The following ERG variants were observed in gnomAD, a reference collection of about 807,000 sequenced individuals.
ERG encodes transcriptional regulator ERG.
In ERG, 9 loss-of-function variants were observed where a neutral mutation model predicts 55.3. The ratio of observed to expected loss-of-function variants is 0.16; its 90% CI spans 0.10 to 0.28. The LOEUF (loss-of-function observed/expected upper bound fraction) is 0.28, where lower values mean the gene tolerates loss of function less well. Among genes scored for constraint, ERG ranks in the 10% least tolerant of loss-of-function variants. ERG has a pLI of 1.00. For missense variants in ERG, 434 were observed against 631.6 expected (o/e 0.69, Z 3.35); for synonymous variants, 223 against 237.3 (o/e 0.94, Z 0.55).
chr21:38,596,971 C>T (rs2060135056), intron 1 of ERG, among the ~76,000 whole-genome samples: 1 of 152,218 alleles, frequency 6.6e-6, no homozygotes, highest in South Asian at 2.1e-4. Flanking sequence ...AGCACTGAGA[C>T]TCTTGTGTAG....
At chr21:38,384,153 C>T (rs572603887) in intron 9 of ERG, among the ~76,000 whole-genome samples, 1 of 152,234 alleles carries the variant, frequency 6.6e-6, no homozygotes, top group Non-Finnish European at 1.5e-5. Flanking sequence ...CGCCCACCCC[C>T]AGGTATCCCA....
chr21:38,482,197 T>C (rs902693863), intron 1 of ERG, among the ~76,000 whole-genome samples: 2 of 152,102 alleles, frequency 1.3e-5, no homozygotes, highest in African/African-American at 4.8e-5. Context: ...TTCCCAAACA[T>C]AGGGAAAGGA....
intron 2 of ERG, among the ~76,000 whole-genome samples, chr21:38,423,783 C>T (rs1031247796): frequency 3.9e-5 from 6 of 152,010 alleles, no homozygotes; most frequent in Non-Finnish European, 2.9e-5. Flanking sequence ...GTCAAGAGAT[C>T]CAGACCATCC....
chr21:38,606,409 C>T (rs1164360576), intron 1 of ERG, among the ~76,000 whole-genome samples: 1 of 152,126 alleles, frequency 6.6e-6, no homozygotes, highest in Admixed American at 6.5e-5. Flanking sequence ...TATAGAGACA[C>T]TTTCATAGCT....
chr21:38,552,313 C>T (rs772633448), intron 2 of ERG, among the ~76,000 whole-genome samples: 1 of 152,104 alleles, frequency 6.6e-6, no homozygotes, highest in African/African-American at 2.4e-5. Context: ...GGAGGAAAGA[C>T]TCCTCCTTAA....
At chr21:38,494,095 G>C (rs2146683097) in intron 1 of ERG, among the ~76,000 whole-genome samples, 1 of 152,306 alleles carries the variant, frequency 6.6e-6, no homozygotes, top group East Asian at 1.9e-4. Flanking sequence ...TAGCTACCTT[G>C]CCCAGGGTCA....
At chr21:38,405,401 T>C (rs1761218396) in intron 3 of ERG, among the ~76,000 whole-genome samples, 3 of 152,178 alleles carry the variant, frequency 2.0e-5, no homozygotes, top group Non-Finnish European at 2.9e-5. Flanking sequence ...TCTCCATGCA[T>C]ACGCGTGAAT....
intron 6 of ERG, among the ~76,000 whole-genome samples, chr21:38,397,311 G>T (rs974611978): frequency 6.6e-6 from 1 of 152,032 alleles, no homozygotes; most frequent in South Asian, 2.1e-4. Flanking sequence ...AGAAAAGGTA[G>T]ATTGGGGGCT....
At chr21:38,547,021 T>C (rs1050974119) in intron 2 of ERG, among the ~76,000 whole-genome samples, 1 of 152,220 alleles carries the variant, frequency 6.6e-6, no homozygotes, top group Non-Finnish European at 1.5e-5. Flanking sequence ...ACAGTCTGCC[T>C]GTCTGTAGGT....
intron 1 of ERG, among the ~76,000 whole-genome samples, chr21:38,466,824 A>G (rs2059095386): frequency 6.6e-6 from 1 of 152,214 alleles, no homozygotes; most frequent in South Asian, 2.1e-4. Context: ...GTGAGGTCAT[A>G]TACAAACTGA....
At chr21:38,416,018 C>T (rs758089144) in intron 3 of ERG, among the ~76,000 whole-genome samples, 1 of 152,128 alleles carries the variant, frequency 6.6e-6, no homozygotes, top group East Asian at 1.9e-4. Context: ...AGGGCTTGGT[C>T]GGAGGGTATG....
chr21:38,499,342 G>A (rs2059403950), upstream of ERG, among the ~76,000 whole-genome samples: 1 of 152,314 alleles, frequency 6.6e-6, no homozygotes. Context: ...TAAGTTCAGG[G>A]TCACAGGTCT....
intron 2 of ERG, among the ~76,000 whole-genome samples, chr21:38,437,238 T>C (rs1280585767): frequency 6.6e-6 from 1 of 151,962 alleles, no homozygotes; most frequent in African/African-American, 2.4e-5. Context: ...ACACAGTCCA[T>C]GATGCAGATT....
In ERG at chr21:38,402,657, G is replaced by C. The variant is rs764501462; in HGVS notation, c.593-20C>G. The C allele has an allele frequency of 5.5e-6, 7 of 1,278,714 alleles. No homozygotes were observed. Among genetic ancestry groups the C allele is most frequent in the Non-Finnish European group, 6.1e-6 (6 of 979,698 alleles). 79.2% of individuals were successfully genotyped at this position (1,278,714 alleles called of 1,614,324 possible). A position where few individuals can be genotyped will look rare whatever the true frequency, so the allele number is the denominator to read the frequency against. Reference sequence around the variant, plus strand: ...GAGGAGCTACAAAACAAAACAAAAAGCGACATCAAAATGAAAAAAAAAAGA... The same window carrying C: ...GAGGAGCTACAAAACAAAACAAAAACCGACATCAAAATGAAAAAAAAAAGA... On this transcript the variant is annotated intron_variant, in intron 4 of 9. Transcript: ENST00000288319.
intron 2 of ERG, among the ~76,000 whole-genome samples, chr21:38,554,953 A>G (rs1038000117): frequency 2.0e-5 from 3 of 152,186 alleles, no homozygotes; most frequent in African/African-American, 7.2e-5. Flanking sequence ...ATGAATAGTT[A>G]TATAATTTAG....
chr21:38,368,676 T>C, the ERG span, among the ~76,000 whole-genome samples: 1 of 152,144 alleles, frequency 6.6e-6, no homozygotes, highest in Non-Finnish European at 1.5e-5. Flanking sequence ...GATAAACTTG[T>C]GTCATGGGTG....
At chr21:38,480,473 C>A (rs1041795) in intron 1 of ERG, among the ~76,000 whole-genome samples, 116,256 of 151,802 alleles carry the variant, frequency 0.77, 44,757 homozygotes, top group East Asian at 0.9. Flanking sequence ...GAATAAATTT[C>A]TCTTGCTTTA....
chr21:38,520,517 A>G (rs2059586456), intron 2 of ERG, among the ~76,000 whole-genome samples: 1 of 152,244 alleles, frequency 6.6e-6, no homozygotes, highest in Non-Finnish European at 1.5e-5. Context: ...AATCCCAAAC[A>G]TGGCGGGAAG....
intron 1 of ERG, among the ~76,000 whole-genome samples, chr21:38,462,258 C>A (rs1280664202): frequency 6.6e-6 from 1 of 152,204 alleles, no homozygotes; most frequent in Non-Finnish European, 1.5e-5. Context: ...GCTGGGATTA[C>A]AGTCATGAGC....
Sources: allele counts gnomAD v4.1 joint callset (sites outside exome capture counted in the v4.1 genomes callset), GRCh38; gene constraint gnomAD v4.1.1; transcripts MANE v1.5; gene names NCBI Gene and HGNC (gene_info 2026-07-23, HGNC 2026-07-21).